PLCE1: variants seen among roughly 807,000 people sequenced by gnomAD.
PLCE1 encodes phospholipase C epsilon 1, also known as 1-phosphatidylinositol 4,5-bisphosphate phosphodiesterase epsilon-1.
Under a neutral mutation model 242.8 loss-of-function variants are expected in PLCE1, and 119 were observed. The observed-to-expected ratio is 0.49, with a 90% CI of 0.42 to 0.57. The LOEUF (loss-of-function observed/expected upper bound fraction) is 0.57, where lower values mean the gene tolerates loss of function less well. Ranked by LOEUF, PLCE1 falls within the 20% of genes least tolerant of loss-of-function variation. The pLI, the probability that PLCE1 is intolerant of heterozygous loss-of-function variation, is 0.00. For synonymous variants in PLCE1, 945 were observed against 1,017.4 expected, an observed-to-expected ratio of 0.93 and a Z score of 1.35; for missense variants, 2,441 against 2,788.8, an observed-to-expected ratio of 0.88 and a Z score of 2.81.
At position 94,298,798 on chromosome 10, in the gene PLCE1, G is replaced by C; in HGVS notation, c.5458+129G>C. The stretch of plus-strand genomic sequence containing the variant: ...CCATATGTGAGAGTAAAAATATGAT[G>C]ATGGAAAACAGAAGTGAATTTGATA... On this transcript the variant is annotated intron_variant, in intron 24 of 32. Coordinates refer to ENST00000371380, the MANE Select transcript of PLCE1 (RefSeq NM_016341.4). The surrounding 1 kb of genome is among the most constrained non-coding windows in gnomAD (Gnocchi z 5.2). 1.1e-6 allele frequency: 1 copy of C among 933,504 alleles called. No individual in the cohort carries two copies. Among genetic ancestry groups the C allele is most frequent in the South Asian group, 1.3e-5 (1 of 74,386 alleles). The allele number at this position is 933,504 out of a possible 1,614,324, so 57.8% of individuals were successfully genotyped here. A position where few individuals can be genotyped will look rare whatever the true frequency, so the allele number is the denominator to read the frequency against.
chr10:94,175,036 T>C (rs1202435867), intron 4 of PLCE1, among the ~76,000 whole-genome samples: 5 of 152,124 alleles, frequency 3.3e-5, no homozygotes, highest in African/African-American at 1.2e-4. Context: ...TTTCTGTAAA[T>C]CTAAAATTAC....
chr10:94,279,995 C>A, intron 20 of PLCE1, 84 bp downstream of exon 20: 1 of 1,375,634 alleles, frequency 7.3e-7, no homozygotes, highest in Non-Finnish European at 1.0e-6. Flanking sequence ...AAGTCTAGAG[C>A]GCCAAAGACC....
intron 2 of PLCE1, among the ~76,000 whole-genome samples, chr10:94,130,957 C>T (rs2046582548): frequency 6.6e-6 from 1 of 152,194 alleles, no homozygotes; most frequent in South Asian, 2.1e-4. Flanking sequence ...ACCTTCATTT[C>T]CACCCTACTC....
chr10:94,272,372 A>T (rs940268480), intron 18 of PLCE1, among the ~76,000 whole-genome samples: 3 of 152,210 alleles, frequency 2.0e-5, no homozygotes, highest in African/African-American at 7.2e-5. Flanking sequence ...CAAGAAAAAT[A>T]TGGCTCTTTT....
chr10:94,115,394 G>A (rs963804668), intron 2 of PLCE1, among the ~76,000 whole-genome samples: 2 of 152,136 alleles, frequency 1.3e-5, no homozygotes, highest in African/African-American at 4.8e-5. Context: ...ACAGTTAAAA[G>A]TGTTCCTATT....
At chr10:93,997,150 A>G (rs554876486) in intron 1 of PLCE1, among the ~76,000 whole-genome samples, 1 of 152,334 alleles carries the variant, frequency 6.6e-6, no homozygotes, top group East Asian at 1.9e-4. Context: ...CTTATCCTTT[A>G]GCTGTATTTC....
At chr10:94,109,103 T>TA (rs2045862934) in intron 2 of PLCE1, 1 of 152,198 alleles carries the variant, frequency 6.6e-6, no homozygotes, top group Non-Finnish European at 1.5e-5. Context: ...TGTATCTAGA[T>TA]ATATTGGCCT....
intron 1 of PLCE1, among the ~76,000 whole-genome samples, chr10:94,011,643 G>A (rs1427445911): frequency 1.3e-5 from 2 of 152,162 alleles, no homozygotes; most frequent in East Asian, 1.9e-4. Flanking sequence ...ATCTGGGGAC[G>A]GGTGGGTTGG....
intron 19 of PLCE1, chr10:94,279,253 T>C (rs941265952): frequency 5.9e-6 from 1 of 170,252 alleles, no homozygotes; most frequent in African/African-American, 2.4e-5. Flanking sequence ...GCCTGTTTTG[T>C]TAATCTGATT....
chr10:94,309,355 C>G (rs79941499), intron 27 of PLCE1, among the ~76,000 whole-genome samples: 6 of 151,940 alleles, frequency 3.9e-5, no homozygotes, highest in African/African-American at 1.4e-4. Flanking sequence ...CTCTGTCACC[C>G]AGTGTCACTC....
At chr10:94,273,433 G>C (rs2051823776) in intron 18 of PLCE1, 129 bp from the exon 19 acceptor site, 4 of 916,670 alleles carry the variant, frequency 4.4e-6, no homozygotes, top group Non-Finnish European at 6.8e-6. Flanking sequence ...TTCTTTCCTA[G>C]TTCCTCTTCC....
chr10:94,196,913 A>G (rs189217636), intron 4 of PLCE1, among the ~76,000 whole-genome samples: 13 of 152,328 alleles, frequency 8.5e-5, no homozygotes, highest in African/African-American at 2.9e-4. Flanking sequence ...ACGGACTTGT[A>G]TAATCATCAC....
chr10:94,099,232 T>C (rs2045428327), intron 2 of PLCE1, among the ~76,000 whole-genome samples: 1 of 152,190 alleles, frequency 6.6e-6, no homozygotes, highest in African/African-American at 2.4e-5. Context: ...TCTGCCTACT[T>C]CAGGATTATA....
chr10:94,028,149 G>C (rs576781902), intron 1 of PLCE1, among the ~76,000 whole-genome samples: 62 of 152,302 alleles, frequency 4.1e-4, no homozygotes, highest in African/African-American at 1.4e-3. Flanking sequence ...TAGCATATTA[G>C]CCCAAAATGT....
intron 2 of PLCE1, among the ~76,000 whole-genome samples, chr10:94,077,772 A>C (rs943871268): frequency 6.6e-6 from 1 of 152,202 alleles, no homozygotes; most frequent in Non-Finnish European, 1.5e-5. Context: ...GTTTCAAAAA[A>C]ACAAACAAAC....
intron 3 of PLCE1, among the ~76,000 whole-genome samples, chr10:94,169,888 G>A (rs1453353397): frequency 6.6e-6 from 1 of 152,210 alleles, no homozygotes; most frequent in African/African-American, 2.4e-5. Context: ...GGGAATCTCT[G>A]GCTGGTGAGT....
intron 4 of PLCE1, among the ~76,000 whole-genome samples, chr10:94,190,964 C>T (rs2048644603): frequency 6.6e-6 from 1 of 152,118 alleles, no homozygotes; most frequent in Non-Finnish European, 1.5e-5. Context: ...AAGGATCAAG[C>T]TTTGGTAACA....
chr10:94,254,757 T>A, intron 10 of PLCE1, 136 bp from the exon 11 acceptor site: 1 of 917,978 alleles, frequency 1.1e-6, no homozygotes, highest in Non-Finnish European at 1.8e-6. Flanking sequence ...ATAAAGATAT[T>A]TTGGTGCTGC....
At chr10:94,025,441 G>T (rs1185271169) in intron 1 of PLCE1, among the ~76,000 whole-genome samples, 1 of 152,162 alleles carries the variant, frequency 6.6e-6, no homozygotes, top group Non-Finnish European at 1.5e-5. Flanking sequence ...TCTGTGCTTA[G>T]AACATGCCTG....
Sources: allele counts gnomAD v4.1 joint callset (sites outside exome capture counted in the v4.1 genomes callset), GRCh38; gene constraint gnomAD v4.1.1; non-coding constraint Gnocchi (gnomAD v3.1); transcripts MANE v1.5; gene names NCBI Gene and HGNC (gene_info 2026-07-23, HGNC 2026-07-21).